The following CCNY variants were observed in gnomAD, a reference collection of about 807,000 sequenced individuals.
The protein encoded by CCNY is cyclin-Y.
CCNY carries 19 observed loss-of-function variants against 42.8 expected under a neutral mutation model. The ratio of observed to expected loss-of-function variants is 0.44; its 90% CI spans 0.31 to 0.65. CCNY has a LOEUF of 0.65. Among genes scored for constraint, CCNY ranks in the 30% least tolerant of loss-of-function variants. The probability of loss-of-function intolerance (pLI) is 0.07; values close to 1 mark genes in which losing one functional copy is unlikely to be tolerated. For synonymous variants in CCNY, 165 were observed against 162.7 expected (o/e 1.01, Z -0.11); for missense variants, 370 against 437.3 (o/e 0.85, Z 1.37).
chr10:35,435,610 A>T (rs1437149745), intron 1 of CCNY, among the ~76,000 whole-genome samples: 1 of 152,254 alleles, frequency 6.6e-6, no homozygotes, highest in African/African-American at 2.4e-5. Context: ...AACATGGCAC[A>T]GTCAAGCTGC....
intron 3 of CCNY, among the ~76,000 whole-genome samples, chr10:35,505,041 T>A (rs987932049): frequency 1.3e-5 from 2 of 152,110 alleles, no homozygotes; most frequent in Non-Finnish European, 2.9e-5. Flanking sequence ...ACTTTGCTTT[T>A]TTTTTTTTAA....
chr10:35,279,997 T>G (rs898721774), intron 3 of CCNY, among the ~76,000 whole-genome samples: 3 of 152,316 alleles, frequency 2.0e-5, no homozygotes, highest in Non-Finnish European at 4.4e-5. Flanking sequence ...CCATTTCCAT[T>G]AAATTTTTGT....
intron 3 of CCNY, chr10:35,250,853 A>G (rs2135020321): frequency 6.6e-6 from 1 of 152,322 alleles, no homozygotes; most frequent in South Asian, 2.1e-4. Context: ...GATTGAGACA[A>G]TTGCTGTGAT....
chr10:35,314,574 G>A (rs1835730626), intron 3 of CCNY: 1 of 152,026 alleles, frequency 6.6e-6, no homozygotes. Context: ...TTTTTTTATT[G>A]TGGTAAAATA....
chr10:35,270,086 A>G (rs1002870242), intron 3 of CCNY, among the ~76,000 whole-genome samples: 1 of 152,174 alleles, frequency 6.6e-6, no homozygotes, highest in Admixed American at 6.6e-5. Context: ...TATTTCAACC[A>G]ACATTTTCTT....
At chr10:35,270,298 C>T (rs1347988104) in intron 3 of CCNY, among the ~76,000 whole-genome samples, 1 of 152,116 alleles carries the variant, frequency 6.6e-6, no homozygotes, top group Non-Finnish European at 1.5e-5. Flanking sequence ...AAAGGGTGCT[C>T]CTCTTAATAG....
At chr10:35,536,785 C>T (rs1357629565) in intron 7 of CCNY, among the ~76,000 whole-genome samples, 2 of 152,136 alleles carry the variant, frequency 1.3e-5, no homozygotes, top group East Asian at 1.9e-4. Flanking sequence ...CAAGAGGTGA[C>T]TTGGGTGCTG....
intron 3 of CCNY, among the ~76,000 whole-genome samples, chr10:35,302,212 C>T (rs1198578376): frequency 2.0e-5 from 3 of 151,874 alleles, no homozygotes; most frequent in East Asian, 1.9e-4. Context: ...CCACCTGCCT[C>T]GGCCTCCCAG....
At chr10:35,327,644 T>C (rs1835895514) in intron 3 of CCNY, 1 of 152,224 alleles carries the variant, frequency 6.6e-6, no homozygotes, top group South Asian at 2.1e-4. Flanking sequence ...GTATGGAAGA[T>C]AGTAACCTAA....
intron 2 of CCNY, among the ~76,000 whole-genome samples, chr10:35,498,546 C>G (rs1840047034): frequency 1.3e-5 from 2 of 152,118 alleles, no homozygotes; most frequent in Non-Finnish European, 2.9e-5. Flanking sequence ...TGAGTATGTC[C>G]CAACTCCAGA....
At chr10:35,427,025 T>C (rs1838287681) in intron 1 of CCNY, among the ~76,000 whole-genome samples, 1 of 152,244 alleles carries the variant, frequency 6.6e-6, no homozygotes, top group Non-Finnish European at 1.5e-5. Flanking sequence ...TAGTACACTT[T>C]TTAAAAGTAT....
At chr10:35,469,849 C>G (rs1325495303) in intron 1 of CCNY, among the ~76,000 whole-genome samples, 2 of 139,748 alleles carry the variant, frequency 1.4e-5, no homozygotes, top group African/African-American at 5.5e-5. Context: ...GATGGAGAGA[C>G]AGACAGGAAG....
At chr10:35,362,941 T>C (rs1361834648) in intron 1 of CCNY, among the ~76,000 whole-genome samples, 2 of 136,758 alleles carry the variant, frequency 1.5e-5, no homozygotes, top group East Asian at 4.6e-4. Context: ...ACTTCCCAGA[T>C]GGTCGGTGGC....
In CCNY at chr10:35,530,645, T is replaced by C. The variant is rs982253191; in HGVS notation, c.579+402T>C. Among the ~76,000 whole-genome samples the C allele has an allele frequency of 8.5e-5, 13 of 152,246 alleles. No individual in the cohort carries two copies. The highest frequency in any genetic ancestry group is 3.1e-4 in the African/African-American group (13 of 41,462). On this transcript the variant is annotated intron_variant, in intron 7 of 9. Coordinates refer to ENST00000374704, the MANE Select transcript of CCNY (RefSeq NM_145012.6). This position sits in a 1 kb window ranked among gnomAD's most constrained non-coding sequence, Gnocchi z 4.3. ...AGATATGATGAATACATTCATCTTATATGAACACTTGTCTAGGAAGGAGTG... is the reference window on the plus strand; with the variant it reads ...AGATATGATGAATACATTCATCTTACATGAACACTTGTCTAGGAAGGAGTG...
At chr10:35,454,684 G>A (rs1171899873) in intron 1 of CCNY, among the ~76,000 whole-genome samples, 1 of 152,246 alleles carries the variant, frequency 6.6e-6, no homozygotes, top group East Asian at 1.9e-4. Flanking sequence ...TGCCCGGGGA[G>A]GTGGTGCATG....
At chr10:35,495,608 G>A (rs1182781188) in intron 2 of CCNY, among the ~76,000 whole-genome samples, 1 of 152,106 alleles carries the variant, frequency 6.6e-6, no homozygotes, top group East Asian at 1.9e-4. Context: ...GTTCCTCTGT[G>A]CCCAGATTTC....
Position 35,337,121 on chromosome 10 carries a change from T to C in CCNY, c.68T>C (p.Leu23Pro). The C allele has an allele frequency of 6.3e-7, 1 of 1,592,454 alleles. No individual in the cohort carries two copies. The highest frequency in any genetic ancestry group is 8.5e-7 in the Non-Finnish European group (1 of 1,171,506). The change falls in exon 1 of 10, where the codon CTG (leucine) becomes CCG (proline). Residue 23 changes from leucine (L) to proline (P), a missense_variant. By Grantham distance (98) the Leu-to-Pro change is moderately conservative. This residue lies in a region of CCNY where 136 missense variants were observed against 124.2 expected (regional missense o/e 1.09). Coordinates refer to ENST00000374704, the MANE Select transcript of CCNY (RefSeq NM_145012.6). ...PKLRRNAHSR[L>P]ESYRPDTDLS... ...CTCCGGAGGAATGCCCACTCCCGGC[T>C]GGAGTCCTACCGGCCAGACACGGAC...
chr10:35,365,993 T>G (rs1301708352), intron 1 of CCNY, among the ~76,000 whole-genome samples: 2 of 152,250 alleles, frequency 1.3e-5, no homozygotes, highest in Non-Finnish European at 2.9e-5. Flanking sequence ...TTCATTTTCA[T>G]TGACCTGAAA....
chr10:35,293,978 C>A (rs532125866), intron 3 of CCNY, among the ~76,000 whole-genome samples: 6 of 151,998 alleles, frequency 3.9e-5, no homozygotes, highest in African/African-American at 1.2e-4. Context: ...TTAGTAGAGA[C>A]AGGCTTTCAC....
Sources: gnomAD v4.1 joint callset for allele counts (sites outside exome capture counted in the v4.1 genomes callset) on GRCh38, gnomAD v4.1.1 for gene constraint, gnomAD v4.1.1 regional missense constraint, Gnocchi (gnomAD v3.1) non-coding constraint, MANE v1.5 for transcripts, NCBI Gene and HGNC (gene_info 2026-07-23, HGNC 2026-07-21) for gene names.